KIAA0408: variants seen among roughly 807,000 people sequenced by gnomAD.
KIAA0408 encodes the protein KIAA0408.
KIAA0408 carries 51 observed loss-of-function variants against 60.9 expected under a neutral mutation model. The ratio of observed to expected loss-of-function variants is 0.84; its 90% CI spans 0.67 to 1.06. The LOEUF (loss-of-function observed/expected upper bound fraction) is 1.06, where lower values mean the gene tolerates loss of function less well. Ranked by LOEUF, KIAA0408 falls within the 50% of genes least tolerant of loss-of-function variation. The pLI, the probability that KIAA0408 is intolerant of heterozygous loss-of-function variation, is 0.00. For synonymous variants in KIAA0408, 304 were observed against 282.4 expected, an observed-to-expected ratio of 1.08 and a Z score of -0.77; for missense variants, 787 against 833.9, an observed-to-expected ratio of 0.94 and a Z score of 0.69.
In KIAA0408 at chr6:127,440,918, G is replaced by C. The variant is rs959362891; in HGVS notation, c.*3191C>G. ...AGTTGTACTACCTAGAGATATTTTG[G>C]AAGAAGCTAGAGTGAACTGTGTACA... On this transcript the variant is annotated 3_prime_UTR_variant, in exon 6 of 6. Transcript: ENST00000483725. The C allele has an allele frequency of 6.6e-6, 1 of 152,138 alleles. No individual in the cohort carries two copies. Among genetic ancestry groups the C allele is most frequent in the Non-Finnish European group, 1.5e-5 (1 of 68,028 alleles). 9.4% of individuals were successfully genotyped at this position (152,138 alleles called of 1,614,324 possible). A position where few individuals can be genotyped will look rare whatever the true frequency, so the allele number is the denominator to read the frequency against.
rs372822444 is a variant in KIAA0408 at position 127,447,326 on chromosome 6, C to T, written c.993G>A (p.Ser331=). ...AAGAGGAAAAGATGATACCATCTTT[C>T]GAAGTTTTCCCTTCATTTGGATACA... is the stretch of plus-strand genomic sequence containing the variant. The part of the protein sequence containing the change: ...SMLYPNEGKT[S]KDGIIFSSLV... The change falls in exon 5 of 6, where the codon TCG becomes TCA. Residue 331 remains serine, a synonymous_variant. Coordinates refer to ENST00000483725, the MANE Select transcript of KIAA0408 (RefSeq NM_014702.5). 7.8e-5 allele frequency: 126 copies of T among 1,613,508 alleles called. No homozygotes were observed. The highest frequency in any genetic ancestry group is 1.7e-4 in the Middle Eastern group (1 of 6,056).
At position 127,442,287 on chromosome 6, in the gene KIAA0408, G is replaced by C. The variant is rs1773119234; in HGVS notation, c.*1822C>G. ...GGAACAGATAGGTTGCACAGTCCTT[G>C]GGCAGGCTCTCCATTGTCACACAAC... On this transcript the variant is annotated 3_prime_UTR_variant, in exon 6 of 6. Coordinates refer to ENST00000483725, the MANE Select transcript of KIAA0408 (RefSeq NM_014702.5). 6.6e-6 allele frequency: 1 copy of C among 152,338 alleles called. No homozygotes were observed. The highest frequency in any genetic ancestry group is 1.9e-4 in the East Asian group (1 of 5,188). The allele number at this position is 152,338 out of a possible 1,614,324, so 9.4% of individuals were successfully genotyped here.
intron 1 of KIAA0408, among the ~76,000 whole-genome samples, chr6:127,455,709 A>T (rs1049521278): frequency 1.3e-5 from 2 of 152,140 alleles, no homozygotes; most frequent in Admixed American, 1.3e-4. Flanking sequence ...GTCACGAAAA[A>T]TACATAATTT....
intron 1 of KIAA0408, among the ~76,000 whole-genome samples, chr6:127,455,107 T>C (rs948908651): frequency 6.6e-6 from 1 of 152,190 alleles, no homozygotes; most frequent in Admixed American, 6.6e-5. Context: ...CAAAATTTCA[T>C]TGTGACTTCA....
rs140527925 is a variant in KIAA0408 at position 127,449,836 on chromosome 6, C to G, written c.564G>C (p.Arg188=). Residue 188 remains arginine, a synonymous_variant, in exon 4 of 6, where the codon CGG becomes CGC. Coordinates refer to ENST00000483725, the MANE Select transcript of KIAA0408 (RefSeq NM_014702.5). ...TACCAGCCTACCTTCTATGGTTAGA[C>G]CGCTTTCGAATTTCCTCTTGAAAGC... ...LCSFQEEIRK[R]SNHRRMKSDS... 5 of 1,613,922 alleles carry G rather than the reference C, an allele frequency of 3.1e-6. No individual in the cohort carries two copies. Among genetic ancestry groups the G allele is most frequent in the African/African-American group, 2.7e-5 (2 of 74,934 alleles).
At position 127,458,429 on chromosome 6, in the gene KIAA0408, G is replaced by A. The variant is rs570985050; in HGVS notation, c.-121+746C>T. ...AAGAGACACTACCACATGCAATTCC[G>A]AATGAATCAACTTTACCGTTTCATT... On this transcript the variant is annotated intron_variant, in intron 1 of 5. Coordinates refer to ENST00000483725, the MANE Select transcript of KIAA0408 (RefSeq NM_014702.5). 3.9e-5 allele frequency among the ~76,000 whole-genome samples: 6 copies of A among 152,220 alleles called. No homozygotes were observed. The South Asian group carries it at 1.0e-3, about 26-fold the overall frequency.
chr6:127,449,226 A>G (rs1368438330), intron 4 of KIAA0408, among the ~76,000 whole-genome samples: 2 of 152,228 alleles, frequency 1.3e-5, no homozygotes, highest in Non-Finnish European at 2.9e-5. Flanking sequence ...GAACTACTTT[A>G]GAGGTTACTT....
At chr6:127,449,250 G>A (rs1423960175) in intron 4 of KIAA0408, among the ~76,000 whole-genome samples, 1 of 152,118 alleles carries the variant, frequency 6.6e-6, no homozygotes, top group Admixed American at 6.5e-5. Flanking sequence ...GATTTTTTAT[G>A]GAGGGTCTAC....
chr6:127,451,491 A>G (rs1562371612), intron 2 of KIAA0408, among the ~76,000 whole-genome samples: 1 of 152,170 alleles, frequency 6.6e-6, no homozygotes, highest in South Asian at 2.1e-4. Context: ...TGAGGGATAT[A>G]AGAAGGAACC....
At chr6:127,447,833 TAAGAAAA>T in intron 4 of KIAA0408, 93 bp from the exon 5 acceptor site, 1 of 1,419,532 alleles carries the variant, frequency 7.0e-7, no homozygotes, top group Non-Finnish European at 9.3e-7. Context: ...GTTTCTGCTA[TAAGAAAA>T]GGATTCACAA....
intron 1 of KIAA0408, among the ~76,000 whole-genome samples, chr6:127,456,050 T>C (rs927970397): frequency 6.6e-6 from 1 of 152,212 alleles, no homozygotes; most frequent in African/African-American, 2.4e-5. Context: ...ACTAGCAGAC[T>C]GCTTTAAAAC....
rs1463206615 is a variant in KIAA0408, at chr6:127,439,194, G to A, written c.*4915C>T. The A allele has an allele frequency of 6.5e-6, 1 of 153,498 alleles. No individual in the cohort carries two copies. Among genetic ancestry groups the A allele is most frequent in the Non-Finnish European group, 1.4e-5 (1 of 69,040 alleles). The allele number at this position is 153,498 out of a possible 1,614,324, so 9.5% of individuals were successfully genotyped here. A position where few individuals can be genotyped will look rare whatever the true frequency, so the allele number is the denominator to read the frequency against. ...CTTTATAAATAACCCAGTCTCAAGT[G>A]TGTTTTGTTATAGCAGCACAAATGA... On this transcript the variant is annotated 3_prime_UTR_variant, in exon 6 of 6. Transcript: ENST00000483725.
At position 127,443,550 on chromosome 6, in the gene KIAA0408, T is replaced by A. The variant is rs542444211; in HGVS notation, c.*559A>T. Reference sequence around the variant, plus strand: ...TAGAAATCTACCAATGTTAGATGTGTGCATAATTCTTCTTTTTCATTGTAG... The same window carrying A: ...TAGAAATCTACCAATGTTAGATGTGAGCATAATTCTTCTTTTTCATTGTAG... On this transcript the variant is annotated 3_prime_UTR_variant, in exon 6 of 6. Coordinates refer to ENST00000483725, the MANE Select transcript of KIAA0408 (RefSeq NM_014702.5). The A allele has an allele frequency of 6.6e-6, 1 of 152,370 alleles. No individual in the cohort carries two copies. The highest frequency in any genetic ancestry group is 2.4e-5 in the African/African-American group (1 of 41,450). 9.4% of individuals were successfully genotyped at this position (152,370 alleles called of 1,614,324 possible). A position where few individuals can be genotyped will look rare whatever the true frequency, so the allele number is the denominator to read the frequency against.
intron 2 of KIAA0408, among the ~76,000 whole-genome samples, chr6:127,453,588 G>T (rs1277119411): frequency 4.0e-5 from 6 of 151,856 alleles, no homozygotes; most frequent in Non-Finnish European, 7.4e-5. Flanking sequence ...TGATAAAAAA[G>T]CTCTCTAGCC....
intron 2 of KIAA0408, 50 bp from the exon 3 acceptor site, chr6:127,450,402 T>C: frequency 6.6e-7 from 1 of 1,517,550 alleles, no homozygotes. Context: ...CTAATTCACT[T>C]TGCTAATATT....
chr6:127,451,277 C>G (rs1200816867), intron 2 of KIAA0408: 1 of 455,554 alleles, frequency 2.2e-6, no homozygotes, highest in Non-Finnish European at 4.4e-6. Context: ...CTGCTTAATA[C>G]ATACCGATAA....
Position 127,449,905 on chromosome 6 carries a change from T to A in KIAA0408, c.499-4A>T. ...CCTTCGCAAGTTCTTCAAGAGCCTT[T>A]ACACATATAAGCAACAGCCCGTTAG... On this transcript the variant is annotated splice_polypyrimidine_tract_variant and splice_region_variant and intron_variant, in intron 3 of 5. Coordinates refer to ENST00000483725, the MANE Select transcript of KIAA0408 (RefSeq NM_014702.5). 1 of 1,614,030 alleles carries A rather than the reference T, an allele frequency of 6.2e-7. No individual in the cohort carries two copies. Among genetic ancestry groups the A allele is most frequent in the African/African-American group, 1.3e-5 (1 of 75,046 alleles).
chr6:127,445,548 C>T (rs1378794536), intron 5 of KIAA0408, among the ~76,000 whole-genome samples: 1 of 152,114 alleles, frequency 6.6e-6, no homozygotes, highest in Non-Finnish European at 1.5e-5. Context: ...AGTTTAAAAC[C>T]ATGCTGCGTA....
chr6:127,444,187 A>G lies in KIAA0408; in HGVS notation c.2007T>C (p.Ser669=). Residue 669 remains serine, a synonymous_variant, in exon 6 of 6, where the codon TCT becomes TCC. Coordinates refer to ENST00000483725, the MANE Select transcript of KIAA0408 (RefSeq NM_014702.5). ...RRLPSRWASR[S]PSAPPALRRT... ...TCCGCAAGGCAGGGGGTGCAGATGG[A>G]GATCTGGATGCCCATCTGGAGGGGA... 6.2e-7 allele frequency: 1 copy of G among 1,613,564 alleles called. No homozygotes were observed. Among genetic ancestry groups the G allele is most frequent in the South Asian group, 1.1e-5 (1 of 91,044 alleles).
Sources: gnomAD v4.1 joint callset for allele counts (sites outside exome capture counted in the v4.1 genomes callset) on GRCh38, gnomAD v4.1.1 for gene constraint, MANE v1.5 for transcripts, NCBI Gene and HGNC (gene_info 2026-07-23, HGNC 2026-07-21) for gene names.